Variants in SPAG8 observed in about 807,000 individuals in gnomAD.
SPAG8 encodes sperm associated antigen 8.
SPAG8 carries 36 observed loss-of-function variants against 45.3 expected under a neutral mutation model. That is an observed-to-expected ratio of 0.80 (90% CI 0.61 to 1.05). SPAG8 has a LOEUF of 1.05. Among genes scored for constraint, SPAG8 ranks in the 50% least tolerant of loss-of-function variants. The pLI is 0.00. For missense variants in SPAG8, 573 were observed against 609.2 expected (o/e 0.94, Z 0.63); for synonymous variants, 227 against 232.6 (o/e 0.98, Z 0.22).
In SPAG8 at chr9:35,812,128, G is replaced by A; in HGVS notation, c.20C>T (p.Thr7Met). The change falls in exon 1 of 7, where the codon ACG becomes ATG. Residue 7 changes from threonine to methionine, a missense_variant. Thr to Met is a moderately conservative substitution (Grantham distance 81, BLOSUM62 -1). Coordinates refer to ENST00000396638, the MANE Select transcript of SPAG8 (RefSeq NM_001039592.2). ...CCGCGACCGCGACCGCGATCCCTCC[G>A]TAGACTCGTTGGTCTCCATCTTCAG... METNES[T>M]EGSRSRSRSL... 6 of 1,608,064 alleles carry A rather than the reference G, an allele frequency of 3.7e-6. No homozygotes were observed. The highest frequency in any genetic ancestry group is 5.1e-6 in the Non-Finnish European group (6 of 1,179,994).
rs759598832 is a variant in SPAG8, at chr9:35,811,761, C to T, written c.285G>A (p.Glu95=). The T allele has an allele frequency of 2.0e-5, 33 of 1,614,138 alleles. 1 individual carries two copies. The highest frequency in any genetic ancestry group is 1.2e-4 in the Admixed American group (7 of 60,010). ...GGGTAAAGCCGGGTCCCGCACAGGG[C>T]TCCCCAAGAAGGCTGGGGTCAGAGG... ...EPSSDPSLLG[E]PCAGPGFTHN... is the part of the protein sequence containing the mutation. The change falls in exon 2 of 7, where the codon GAG becomes GAA. Residue 95 remains glutamate, a synonymous_variant. Coordinates refer to ENST00000396638, the MANE Select transcript of SPAG8 (RefSeq NM_001039592.2).
rs1411858653 is a variant in SPAG8 at position 35,811,037 on chromosome 9, A to G, written c.885T>C (p.Asp295=). 4 of 1,613,448 alleles carry G rather than the reference A, an allele frequency of 2.5e-6. No homozygotes were observed. In the African/African-American group the frequency reaches 4.0e-5, roughly 16 times the overall value. The change falls in exon 3 of 7, where the codon GAT becomes GAC. Residue 295 remains aspartate, a synonymous_variant. Transcript: ENST00000396638. ...WEEERATNHL[D]QVPSMQDGSE... ...AGCCATCCTGCATGCTTGGGACTTGATCCAGGTGGTTGGTGGCTCTCTGTG... is the reference window on the plus strand; with the variant it reads ...AGCCATCCTGCATGCTTGGGACTTGGTCCAGGTGGTTGGTGGCTCTCTGTG...
downstream of SPAG8, chr9:35,808,250 TG>T: frequency 6.2e-7 from 1 of 1,614,254 alleles, no homozygotes; most frequent in Non-Finnish European, 8.5e-7. The surrounding 1 kb of genome is among the most constrained non-coding windows in gnomAD (Gnocchi z 4.0). Flanking sequence ...GTCCATGTCC[TG>T]CTGCAGACAG....
At chr9:35,809,757 G>A (rs116929854), downstream of SPAG8, 328 of 1,514,766 alleles carry the variant, frequency 2.2e-4, no homozygotes, top group East Asian at 7.4e-3. The surrounding 1 kb of genome is among the most constrained non-coding windows in gnomAD (Gnocchi z 4.1). Context: ...GCAATCCCAA[G>A]GAAAGGTTAT....
At chr9:35,809,332 G>A, downstream of SPAG8, 3 of 1,612,094 alleles carry the variant, frequency 1.9e-6, no homozygotes, top group Non-Finnish European at 2.5e-6. This position sits in a 1 kb window ranked among gnomAD's most constrained non-coding sequence, Gnocchi z 4.1. Context: ...GGGAGACAAA[G>A]GGACTAACAT....
chr9:35,808,698 C>T, downstream of SPAG8: 1 of 1,613,066 alleles, frequency 6.2e-7, no homozygotes, highest in East Asian at 2.2e-5. This position sits in a 1 kb window ranked among gnomAD's most constrained non-coding sequence, Gnocchi z 4.0. Flanking sequence ...GGCTGACTCT[C>T]ACTCCAGCCC....
downstream of SPAG8, chr9:35,808,085 G>T: frequency 1.0e-6 from 1 of 956,454 alleles, no homozygotes; most frequent in Non-Finnish European, 1.7e-6. This position sits in a 1 kb window ranked among gnomAD's most constrained non-coding sequence, Gnocchi z 4.0. Flanking sequence ...ACATAGCTTT[G>T]GCACAATTAC....
chr9:35,810,572 G>C lies in SPAG8; in HGVS notation c.1086-19C>G. On this transcript the variant is annotated intron_variant, in intron 4 of 6. Coordinates refer to ENST00000396638, the MANE Select transcript of SPAG8 (RefSeq NM_001039592.2). ...CTCTTTACTATGTAGCCCGAGGGGTGTCAAGGCCATTCTCACCCAATTTTT... is the reference window on the plus strand; with the variant it reads ...CTCTTTACTATGTAGCCCGAGGGGTCTCAAGGCCATTCTCACCCAATTTTT... 2 of 1,613,966 alleles carry C rather than the reference G, an allele frequency of 1.2e-6. No homozygotes were observed. Among genetic ancestry groups the C allele is most frequent in the South Asian group, 2.2e-5 (2 of 91,082 alleles).
downstream of SPAG8, chr9:35,809,558 C>T (rs1303013420): frequency 6.4e-7 from 1 of 1,572,554 alleles, no homozygotes; most frequent in Non-Finnish European, 8.7e-7. This position sits in a 1 kb window ranked among gnomAD's most constrained non-coding sequence, Gnocchi z 4.1. Flanking sequence ...TGGAAAACAG[C>T]CACAAAAAAA....
At position 35,811,751 on chromosome 9, in the gene SPAG8, C is replaced by T. The variant is rs193238485; in HGVS notation, c.295G>A (p.Gly99Arg). Residue 99 changes from glycine (G) to arginine (R), a missense_variant, in exon 2 of 7, where the codon GGA becomes AGA. By Grantham distance (125) the Gly-to-Arg change is moderately radical (BLOSUM62 -2). Coordinates refer to ENST00000396638, the MANE Select transcript of SPAG8 (RefSeq NM_001039592.2). The part of the protein sequence containing the change: ...DPSLLGEPCA[G>R]PGFTHNIAHG... ...GCTATATTGTGGGTAAAGCCGGGTC[C>T]CGCACAGGGCTCCCCAAGAAGGCTG... 2.9e-5 allele frequency: 47 copies of T among 1,614,250 alleles called. No homozygotes were observed. Among genetic ancestry groups the T allele is most frequent in the Non-Finnish European group, 6.8e-6 (8 of 1,180,042 alleles).
chr9:35,810,358 A>G, intron 5 of SPAG8, 49 bp from the exon 6 acceptor site: 1 of 1,613,100 alleles, frequency 6.2e-7, no homozygotes, highest in African/African-American at 1.3e-5. Context: ...CCTCTCTCTC[A>G]ACCTCTGGGC....
At chr9:35,809,084 G>T, downstream of SPAG8, 2 of 1,383,974 alleles carry the variant, frequency 1.4e-6, no homozygotes, top group Non-Finnish European at 1.0e-6. This position sits in a 1 kb window ranked among gnomAD's most constrained non-coding sequence, Gnocchi z 4.1. Context: ...GTGCTATACA[G>T]TATCACCAAT....
downstream of SPAG8, chr9:35,808,298 C>T (rs772364522): frequency 1.2e-6 from 2 of 1,607,682 alleles, no homozygotes; most frequent in African/African-American, 1.3e-5. The surrounding 1 kb of genome is among the most constrained non-coding windows in gnomAD (Gnocchi z 4.0). Context: ...ACTGAGTATT[C>T]ACCAGGTGCT....
rs1828798928 is a variant in SPAG8 at position 35,811,524 on chromosome 9, A to ACCAGAG, written c.516_521dup (p.Ser173_Gly174dup). 2.5e-6 allele frequency: 4 copies of ACCAGAG among 1,604,936 alleles called. No homozygotes were observed. Among genetic ancestry groups the ACCAGAG allele is most frequent in the African/African-American group, 1.4e-5 (1 of 74,056 alleles). On this transcript the variant is annotated inframe_insertion, in exon 2 of 7. Coordinates refer to ENST00000396638, the MANE Select transcript of SPAG8 (RefSeq NM_001039592.2). ...AGCCAGGACCAGAGCCAGGACCAGGACCAGAGCCAGAGCCAGGGACAGAGC... is the reference window on the plus strand; with the variant it reads ...AGCCAGGACCAGAGCCAGGACCAGGACCAGAGCCAGAGCCAGAGCCAGGGACAGAGC...
chr9:35,808,177 C>G (rs113013693), downstream of SPAG8: 223 of 1,613,460 alleles, frequency 1.4e-4, no homozygotes, highest in African/African-American at 2.8e-3. The surrounding 1 kb of genome is among the most constrained non-coding windows in gnomAD (Gnocchi z 4.0). Flanking sequence ...ACCTCCTCAC[C>G]AGCCTCTGTC....
In SPAG8 at chr9:35,812,180, A is replaced by C. The variant is rs779090405; in HGVS notation, c.-33T>G. 2 of 1,599,476 alleles carry C rather than the reference A, an allele frequency of 1.3e-6. No individual in the cohort carries two copies. The highest frequency in any genetic ancestry group is 2.2e-5 in the South Asian group (2 of 90,912). ...CTCCAGCTACTGGGTTGCCATAGAG[A>C]CAGCAAACAACTCCTGGAGCCTGCG... On this transcript the variant is annotated 5_prime_UTR_variant, in exon 1 of 7. Transcript: ENST00000396638.
chr9:35,808,070 C>T (rs1828507382), downstream of SPAG8: 3 of 821,894 alleles, frequency 3.7e-6, no homozygotes, highest in East Asian at 4.9e-5. This position sits in a 1 kb window ranked among gnomAD's most constrained non-coding sequence, Gnocchi z 4.0. Context: ...GGCATTTATT[C>T]TCTTACATAG....
downstream of SPAG8, chr9:35,808,130 G>T (rs774631711): frequency 7.0e-7 from 1 of 1,433,840 alleles, no homozygotes; most frequent in South Asian, 1.1e-5. This position sits in a 1 kb window ranked among gnomAD's most constrained non-coding sequence, Gnocchi z 4.0. Context: ...CTCTCTGACA[G>T]TTTGGGCTGT....
rs1828854467 is a variant in SPAG8, at chr9:35,812,238, G to A, written c.-91C>T. On this transcript the variant is annotated 5_prime_UTR_variant, in exon 1 of 7. Coordinates refer to ENST00000396638, the MANE Select transcript of SPAG8 (RefSeq NM_001039592.2). ...ACAGCTGGGCGGACTTGCAGGTGGC[G>A]GTGGAGGCAAGTCCTCTGCGGGGCG... is the stretch of plus-strand genomic sequence containing the variant. 6.9e-7 allele frequency: 1 copy of A among 1,457,358 alleles called. No homozygotes were observed. The highest frequency in any genetic ancestry group is 9.4e-7 in the Non-Finnish European group (1 of 1,064,098). 90.3% of individuals were successfully genotyped at this position (1,457,358 alleles called of 1,614,324 possible).
Sources: allele counts gnomAD v4.1 joint callset, GRCh38; gene constraint gnomAD v4.1.1; non-coding constraint Gnocchi (gnomAD v3.1); transcripts MANE v1.5; gene names NCBI Gene and HGNC (gene_info 2026-07-23, HGNC 2026-07-21).